C8orf34: variants seen among roughly 807,000 people sequenced by gnomAD.
C8orf34 encodes the protein uncharacterized protein C8orf34.
Under a neutral mutation model 68.3 loss-of-function variants are expected in C8orf34, and 65 were observed. The observed-to-expected ratio is 0.95, with a 90% CI of 0.78 to 1.17. The LOEUF is 1.17. Among genes scored for constraint, C8orf34 ranks in the 50% most tolerant of loss-of-function variants. C8orf34 has a pLI of 0.00. For missense variants in C8orf34, 664 were observed against 655.4 expected (o/e 1.01, Z -0.14); for synonymous variants, 244 against 241.2 (o/e 1.01, Z -0.11).
At chr8:68,367,613 A>G (rs1807333999) in intron 1 of C8orf34, among the ~76,000 whole-genome samples, 1 of 130,602 alleles carries the variant, frequency 7.7e-6, no homozygotes, top group African/African-American at 2.9e-5. Flanking sequence ...CATGGATGAA[A>G]TTGGAAATCA....
chr8:68,588,058 T>G (rs1313223276), intron 7 of C8orf34, among the ~76,000 whole-genome samples: 2 of 152,174 alleles, frequency 1.3e-5, no homozygotes, highest in Non-Finnish European at 2.9e-5. Flanking sequence ...TTCAGATCAC[T>G]TTTATGCTTA....
chr8:68,639,666 C>T (rs970803808), intron 7 of C8orf34, among the ~76,000 whole-genome samples: 1 of 152,028 alleles, frequency 6.6e-6, no homozygotes, highest in Non-Finnish European at 1.5e-5. Context: ...TCCTTGTTCT[C>T]TGAAAAAGTA....
At chr8:68,409,841 A>G (rs887332247) in intron 1 of C8orf34, among the ~76,000 whole-genome samples, 2 of 152,202 alleles carry the variant, frequency 1.3e-5, no homozygotes, top group Non-Finnish European at 2.9e-5. Flanking sequence ...AATCTTTTAT[A>G]TCATATTTTT....
intron 1 of C8orf34, among the ~76,000 whole-genome samples, chr8:68,388,763 A>G (rs1808363262): frequency 6.6e-6 from 1 of 152,162 alleles, no homozygotes; most frequent in Admixed American, 6.5e-5. Flanking sequence ...ATAGAGGGGT[A>G]AAATAACAAG....
At position 68,439,635 on chromosome 8, in the gene C8orf34, G is replaced by C; in HGVS notation, c.464G>C (p.Ser155Thr). 1 of 1,608,852 alleles carries C rather than the reference G, an allele frequency of 6.2e-7. No homozygotes were observed. The highest frequency in any genetic ancestry group is 8.5e-7 in the Non-Finnish European group (1 of 1,178,518). Residue 155 changes from serine to threonine, a missense_variant, in exon 2 of 14, where the codon AGT (serine) becomes ACT (threonine). Physicochemically the swap from Ser to Thr is moderately conservative, Grantham distance 58. Transcript: ENST00000518698. ...LSGSAALWAE[S>T]EKSESKGTRR... ...GGATCTGCAGCTCTATGGGCAGAAA[G>C]TGAAAAATCAGGTAAATGAAGAATG... is the stretch of plus-strand genomic sequence containing the variant.
intron 8 of C8orf34, among the ~76,000 whole-genome samples, chr8:68,671,536 A>G (rs887250640): frequency 2.4e-4 from 36 of 152,224 alleles, no homozygotes; most frequent in African/African-American, 8.0e-4. Flanking sequence ...GTAGAGCGAC[A>G]TTTTAGAATA....
intron 1 of C8orf34, among the ~76,000 whole-genome samples, chr8:68,401,117 T>TG (rs751412806): frequency 1.6e-5 from 2 of 122,246 alleles, no homozygotes; most frequent in Non-Finnish European, 3.8e-5. Context: ...TATTCCTAGT[T>TG]TTTTTTTTTT....
chr8:68,378,937 A>G (rs1807920037), intron 1 of C8orf34, among the ~76,000 whole-genome samples: 1 of 152,188 alleles, frequency 6.6e-6, no homozygotes, highest in African/African-American at 2.4e-5. Flanking sequence ...AGAAAGGCCT[A>G]ATATTATAAC....
Position 68,500,631 on chromosome 8 carries a change from C to T in C8orf34, c.765+12580C>T, listed in dbSNP as rs781593061. On this transcript the variant is annotated intron_variant, in intron 5 of 13. Transcript: ENST00000518698. ...GTAAAGAAGAGAACCCTCACCCACA[C>T]ACATCCACACTCACACCCACCCAGC... Among the ~76,000 whole-genome samples the T allele has an allele frequency of 1.8e-4, 28 of 152,122 alleles. 1 individual carries two copies. Among genetic ancestry groups the T allele is most frequent in the Non-Finnish European group, 3.5e-4 (24 of 68,028 alleles).
At chr8:68,465,376 T>G (rs1214761238) in intron 3 of C8orf34, among the ~76,000 whole-genome samples, 7 of 148,752 alleles carry the variant, frequency 4.7e-5, no homozygotes, top group African/African-American at 1.7e-4. Context: ...GTTCAACCAT[T>G]GTGGAAGTCA....
intron 10 of C8orf34, among the ~76,000 whole-genome samples, chr8:68,723,665 A>T (rs192546241): frequency 2.5e-4 from 38 of 152,194 alleles, no homozygotes; most frequent in Non-Finnish European, 4.3e-4. Flanking sequence ...AAGGTTTATC[A>T]GCTGTGAATT....
At chr8:68,445,910 C>A (rs1811101314) in intron 2 of C8orf34, among the ~76,000 whole-genome samples, 1 of 152,086 alleles carries the variant, frequency 6.6e-6, no homozygotes, top group South Asian at 2.1e-4. Flanking sequence ...CTGTCTCAGC[C>A]TCCTGAGTAG....
chr8:68,535,903 C>G (rs996938751), intron 7 of C8orf34: 26 of 973,452 alleles, frequency 2.7e-5, no homozygotes, highest in Non-Finnish European at 3.2e-5. Context: ...AGTAAAGTAT[C>G]TGCCAAGTCA....
intron 8 of C8orf34, among the ~76,000 whole-genome samples, chr8:68,656,953 C>T (rs1461607719): frequency 6.6e-6 from 1 of 152,148 alleles, no homozygotes; most frequent in African/African-American, 2.4e-5. Flanking sequence ...AGTAAAAGGT[C>T]GTTTGGGAGA....
intron 3 of C8orf34, among the ~76,000 whole-genome samples, chr8:68,450,769 G>A (rs773535795): frequency 4.5e-4 from 68 of 152,084 alleles, no homozygotes; most frequent in Non-Finnish European, 7.9e-4. Flanking sequence ...TATCTGTAGA[G>A]CACAGACAGA....
chr8:68,728,253 T>A (rs1585790352), intron 10 of C8orf34, among the ~76,000 whole-genome samples: 1 of 152,282 alleles, frequency 6.6e-6, no homozygotes, highest in African/African-American at 2.4e-5. Context: ...TTGCTCCAGT[T>A]CCCAACAAGT....
chr8:68,789,984 A>T (rs1433594103), intron 12 of C8orf34, among the ~76,000 whole-genome samples: 1 of 152,210 alleles, frequency 6.6e-6, no homozygotes, highest in East Asian at 1.9e-4. Context: ...ATGACCCTTG[A>T]CAATGGTAAA....
At chr8:68,719,036 A>G (rs556008826) in intron 9 of C8orf34, among the ~76,000 whole-genome samples, 83 of 152,316 alleles carry the variant, frequency 5.4e-4, no homozygotes, top group African/African-American at 1.9e-3. Context: ...ATTGCTCTGG[A>G]ATAGACAGAG....
intron 7 of C8orf34, among the ~76,000 whole-genome samples, chr8:68,558,826 A>C (rs1816334529): frequency 6.6e-6 from 1 of 152,214 alleles, no homozygotes; most frequent in South Asian, 2.1e-4. Context: ...AATGAGGTAC[A>C]GTCACTACCC....
Sources: gnomAD v4.1 joint callset for allele counts (sites outside exome capture counted in the v4.1 genomes callset) on GRCh38, gnomAD v4.1.1 for gene constraint, MANE v1.5 for transcripts, NCBI Gene and HGNC (gene_info 2026-07-23, HGNC 2026-07-21) for gene names.